ADAM19: variants seen among roughly 807,000 people sequenced by gnomAD.
ADAM19 encodes disintegrin and metalloproteinase domain-containing protein 19.
In ADAM19, 65 loss-of-function variants were observed where a neutral mutation model predicts 114.7. That is an observed-to-expected ratio of 0.57 (90% CI 0.46 to 0.70). The LOEUF (loss-of-function observed/expected upper bound fraction) is 0.70. ADAM19 is among the 30% of genes least tolerant of loss of function. The pLI is 0.00. For synonymous variants in ADAM19, 466 were observed against 460.5 expected (o/e 1.01, Z -0.15); for missense variants, 1,063 against 1,204.7 (o/e 0.88, Z 1.74).
chr5:157,527,295 C>A lies in ADAM19; in HGVS notation c.407+3512G>T, dbSNP rs573275868. Among the ~76,000 whole-genome samples the A allele has an allele frequency of 3.3e-5, 5 of 152,270 alleles. No individual in the cohort carries two copies. In the South Asian group the frequency reaches 1.0e-3, roughly 32 times the overall value. On this transcript the variant is annotated intron_variant, in intron 5 of 22. Coordinates refer to ENST00000257527, the MANE Select transcript of ADAM19 (RefSeq NM_033274.5). ...ATGCGATTTCAGCTCACTGCAAGCT[C>A]CGCCTCCCGGGTTCACGCCATTCTC...
rs780634660 is a variant in ADAM19, at chr5:157,488,361, G to A, written c.2454C>T (p.Ser818=). The change falls in exon 21 of 23, where the codon TCC becomes TCT. Residue 818 remains serine (S), a synonymous_variant. Transcript: ENST00000257527. Reference sequence around the variant, plus strand: ...TCTCTATTTGAGACCCGGGCCCTGGGGAGTTCCTAGCAGCCCTGCTCAGGT... The same window carrying A: ...TCTCTATTTGAGACCCGGGCCCTGGAGAGTTCCTAGCAGCCCTGCTCAGGT... ...PAHLSRAARN[S]PGPGSQIERT... is the part of the protein sequence containing the mutation. The A allele has an allele frequency of 6.8e-6, 11 of 1,614,096 alleles. No homozygotes were observed. Among genetic ancestry groups the A allele is most frequent in the Non-Finnish European group, 9.3e-6 (11 of 1,180,038 alleles).
In ADAM19 at chr5:157,493,330, G is replaced by A. The variant is rs1045261644; in HGVS notation, c.1704-153C>T. ...CAGTCATGTGCTTTGGAACCCACCA[G>A]GAGAGATTCCATGTGGACTGACACC... is the stretch of plus-strand genomic sequence containing the variant. On this transcript the variant is annotated intron_variant, in intron 15 of 22. Transcript: ENST00000257527. Among the ~76,000 whole-genome samples, 8 of 152,292 alleles carry A rather than the reference G, an allele frequency of 5.3e-5. No individual in the cohort carries two copies. The South Asian group carries it at 1.7e-3, about 32-fold the overall frequency.
At chr5:157,517,364 G>A (rs756020367) in intron 7 of ADAM19, among the ~76,000 whole-genome samples, 3 of 152,192 alleles carry the variant, frequency 2.0e-5, no homozygotes, top group Non-Finnish European at 4.4e-5. Context: ...TGCCCTGCTC[G>A]AACACAGCGA....
In ADAM19 at chr5:157,544,835, T is replaced by A. The variant is rs889743284; in HGVS notation, c.252-6844A>T. On this transcript the variant is annotated intron_variant, in intron 3 of 22. Coordinates refer to ENST00000257527, the MANE Select transcript of ADAM19 (RefSeq NM_033274.5). ...CAGTTTTTGGTAAATAACCACAGTG[T>A]TGATCAGATTAGCCGATACCACAGA... 2.0e-5 allele frequency among the ~76,000 whole-genome samples: 3 copies of A among 152,160 alleles called. No homozygotes were observed. In the East Asian group the frequency reaches 5.8e-4, roughly 29 times the overall value.
chr5:157,477,373 T>C lies in ADAM19; in HGVS notation c.*3576A>G. 3.0e-6 allele frequency: 3 copies of C among 1,001,574 alleles called. No homozygotes were observed. Among genetic ancestry groups the C allele is most frequent in the Non-Finnish European group, 3.6e-6 (3 of 838,552 alleles). The allele number at this position is 1,001,574 out of a possible 1,614,324, so 62.0% of individuals were successfully genotyped here. The stretch of plus-strand genomic sequence containing the variant: ...CAAGGAAAAAAGGCACCATGGCCCA[T>C]TCAAGTATTTTGCATAGATGTACAA... On this transcript the variant is annotated 3_prime_UTR_variant, in exon 23 of 23. Transcript: ENST00000257527.
intron 3 of ADAM19, among the ~76,000 whole-genome samples, chr5:157,540,003 C>T (rs1756874102): frequency 6.6e-6 from 1 of 152,150 alleles, no homozygotes; most frequent in African/African-American, 2.4e-5. Flanking sequence ...CCTCTACGGC[C>T]GTGAACAAGT....
rs150927963 is a variant in ADAM19 at position 157,521,670 on chromosome 5, C to T, written c.408-1639G>A. Among the ~76,000 whole-genome samples, 903 of 152,276 alleles carry T rather than the reference C, an allele frequency of 5.9e-3. 13 individuals are homozygous for T. Among genetic ancestry groups the T allele is most frequent in the African/African-American group, 0.02 (842 of 41,534 alleles). ...TGACGCAGCAGTACCCAATCACCCC[C>T]TCTGACGGACATCTAAGGTACTCCC... is the stretch of plus-strand genomic sequence containing the variant. On this transcript the variant is annotated intron_variant, in intron 5 of 22. Coordinates refer to ENST00000257527, the MANE Select transcript of ADAM19 (RefSeq NM_033274.5).
chr5:157,539,554 T>C (rs563414603), intron 3 of ADAM19, among the ~76,000 whole-genome samples: 18 of 152,300 alleles, frequency 1.2e-4, no homozygotes, highest in Admixed American at 6.5e-4. Flanking sequence ...TTGTCTCCTG[T>C]ACTATGTCAA....
At chr5:157,487,137 A>C (rs1006603660) in intron 21 of ADAM19, among the ~76,000 whole-genome samples, 26 of 152,062 alleles carry the variant, frequency 1.7e-4, no homozygotes, top group Non-Finnish European at 8.8e-5. Flanking sequence ...GTACTCTGCT[A>C]TAGCACCCTC....
chr5:157,553,027 G>A (rs945775750), intron 3 of ADAM19, among the ~76,000 whole-genome samples: 1 of 152,158 alleles, frequency 6.6e-6, no homozygotes, highest in Admixed American at 6.5e-5. Flanking sequence ...TAGAAGGATG[G>A]TTACCAGAGG....
At chr5:157,571,029 C>T (rs1757806775) in intron 1 of ADAM19, 49 bp from the exon 2 acceptor site, 1 of 1,536,652 alleles carries the variant, frequency 6.5e-7, no homozygotes, top group Admixed American at 1.7e-5. Context: ...CTCTATACCC[C>T]AGCTAAGCCA....
chr5:157,498,688 G>A (rs59465096), intron 13 of ADAM19, among the ~76,000 whole-genome samples: 10 of 143,878 alleles, frequency 7.0e-5, no homozygotes, highest in East Asian at 4.5e-4. Flanking sequence ...ATGTGTGTAT[G>A]TATATATATA....
intron 3 of ADAM19, among the ~76,000 whole-genome samples, 154 bp downstream of exon 3, chr5:157,564,219 G>T (rs1476081865): frequency 2.0e-5 from 3 of 152,230 alleles, no homozygotes; most frequent in Non-Finnish European, 4.4e-5. Flanking sequence ...CTGTGGAAAG[G>T]CTCTGGCTTT....
chr5:157,534,018 C>G lies in ADAM19; in HGVS notation c.331-3135G>C, dbSNP rs1011776167. ...AACCCAGGGATGGCTGTGAAGAATC[C>G]CTGCACCTCTTCCTATCTTTGAATG... On this transcript the variant is annotated intron_variant, in intron 4 of 22. Transcript: ENST00000257527. Among the ~76,000 whole-genome samples, 6 of 152,180 alleles carry G rather than the reference C, an allele frequency of 3.9e-5. 1 individual carries two copies. The highest frequency in any genetic ancestry group is 1.3e-4 in the Admixed American group (2 of 15,290).
At chr5:157,570,709 G>A (rs535031662) in intron 2 of ADAM19, 186 bp downstream of exon 2, 92 of 554,014 alleles carry the variant, frequency 1.7e-4, no homozygotes, top group African/African-American at 1.4e-3. Flanking sequence ...ATTGGGAAGT[G>A]TTCTAGAAGT....
chr5:157,483,944 CT>C lies in ADAM19; in HGVS notation c.2551-2002del, dbSNP rs397771063. 5.2e-3 allele frequency among the ~76,000 whole-genome samples: 750 copies of C among 143,600 alleles called. 4 individuals are homozygous for C. Among genetic ancestry groups the C allele is most frequent in the South Asian group, 8.7e-3 (39 of 4,508 alleles). The allele number at this position is 143,600 out of a possible 152,430, so 94.2% of individuals were successfully genotyped here. A position where few individuals can be genotyped will look rare whatever the true frequency, so the allele number is the denominator to read the frequency against. On this transcript the variant is annotated intron_variant, in intron 21 of 22. Coordinates refer to ENST00000257527, the MANE Select transcript of ADAM19 (RefSeq NM_033274.5). ...CACCACGCCCAGCCCTTGAACATTCCTTTTTTTTTTTTTTTAACAAGAGCAT... is the reference window on the plus strand; with the variant it reads ...CACCACGCCCAGCCCTTGAACATTCCTTTTTTTTTTTTTTAACAAGAGCAT...
At chr5:157,483,892 C>T (rs1474862525) in intron 21 of ADAM19, among the ~76,000 whole-genome samples, 3 of 151,590 alleles carry the variant, frequency 2.0e-5, no homozygotes, top group East Asian at 1.9e-4. Context: ...CTTGGCCTCC[C>T]AAAGTGCTGG....
intron 3 of ADAM19, among the ~76,000 whole-genome samples, chr5:157,544,593 G>A (rs910135826): frequency 2.6e-5 from 4 of 152,208 alleles, no homozygotes; most frequent in Admixed American, 2.0e-4. Flanking sequence ...CTGACTTCTT[G>A]AGATCAGACA....
intron 11 of ADAM19, among the ~76,000 whole-genome samples, chr5:157,505,463 G>C (rs776564755): frequency 8.5e-5 from 13 of 152,208 alleles, no homozygotes; most frequent in Non-Finnish European, 1.5e-4. Flanking sequence ...GGTTACACCA[G>C]CACCAAACCT....
Sources: allele counts gnomAD v4.1 joint callset (sites outside exome capture counted in the v4.1 genomes callset), GRCh38; gene constraint gnomAD v4.1.1; transcripts MANE v1.5; gene names NCBI Gene and HGNC (gene_info 2026-07-23, HGNC 2026-07-21).